The following UNC5D variants were observed in gnomAD, a reference collection of about 807,000 sequenced individuals.
UNC5D encodes netrin receptor UNC5D.
UNC5D carries 39 observed loss-of-function variants against 105.4 expected under a neutral mutation model. That is an observed-to-expected ratio of 0.37 (90% CI 0.29 to 0.48). The LOEUF is 0.48. UNC5D is among the 20% of genes least tolerant of loss of function. UNC5D has a pLI of 0.98. For missense variants in UNC5D, 991 were observed against 1,202.4 expected (o/e 0.82, Z 2.60); for synonymous variants, 452 against 450.4 (o/e 1.00, Z -0.04).
chr8:35,304,654 A>G (rs1274348198), intron 1 of UNC5D, among the ~76,000 whole-genome samples: 1 of 152,120 alleles, frequency 6.6e-6, no homozygotes, highest in African/African-American at 2.4e-5. Flanking sequence ...GTGAATATTA[A>G]AAGACTGTAA....
At chr8:35,504,253 C>A (rs1812164756) in intron 1 of UNC5D, among the ~76,000 whole-genome samples, 1 of 152,130 alleles carries the variant, frequency 6.6e-6, no homozygotes, top group Non-Finnish European at 1.5e-5. Flanking sequence ...GCCGTGTGAC[C>A]TTAGGCAAGC....
intron 3 of UNC5D, among the ~76,000 whole-genome samples, chr8:35,568,464 G>A (rs1817507532): frequency 6.6e-6 from 1 of 152,254 alleles, no homozygotes. Flanking sequence ...CAAGGTGGGA[G>A]GATCACTTGA....
intron 4 of UNC5D, among the ~76,000 whole-genome samples, chr8:35,657,072 GTGTGTGTGTATATA>G (rs1823788967): frequency 2.0e-5 from 2 of 99,066 alleles, no homozygotes; most frequent in Admixed American, 2.1e-4. Context: ...GTGTGTGTGT[GTGTGTGTGTATATA>G]TATATATATA....
intron 1 of UNC5D, among the ~76,000 whole-genome samples, chr8:35,386,770 C>G (rs572799221): frequency 2.8e-4 from 43 of 152,288 alleles, no homozygotes; most frequent in Middle Eastern, 3.4e-3. Flanking sequence ...TAGGAAATGT[C>G]TAAATCTGTG....
intron 1 of UNC5D, among the ~76,000 whole-genome samples, chr8:35,463,506 T>A (rs964840968): frequency 1.3e-5 from 2 of 152,076 alleles, no homozygotes; most frequent in Non-Finnish European, 2.9e-5. Context: ...CAATGATACC[T>A]GTTTCATCTA....
chr8:35,532,567 G>A (rs1814471857), intron 1 of UNC5D, among the ~76,000 whole-genome samples: 1 of 43,368 alleles, frequency 2.3e-5, no homozygotes, highest in Non-Finnish European at 4.3e-5. Context: ...GGCGTTCTCT[G>A]TATTTCCTGA....
chr8:35,529,172 A>G (rs1414090244), intron 1 of UNC5D, among the ~76,000 whole-genome samples: 36 of 136,362 alleles, frequency 2.6e-4, no homozygotes, highest in African/African-American at 1.0e-3. Flanking sequence ...TAGGGTTTTT[A>G]TGGTTTTAGG....
chr8:35,690,482 A>G (rs1345736811), intron 7 of UNC5D, among the ~76,000 whole-genome samples: 1 of 152,128 alleles, frequency 6.6e-6, no homozygotes, highest in Non-Finnish European at 1.5e-5. Flanking sequence ...TAAAAATTAA[A>G]AAAATATAAG....
chr8:35,471,436 T>G (rs1027035329), intron 1 of UNC5D, among the ~76,000 whole-genome samples: 4 of 152,208 alleles, frequency 2.6e-5, no homozygotes, highest in Non-Finnish European at 4.4e-5. Flanking sequence ...AGTGAGGTTT[T>G]TTTAATAATT....
At chr8:35,315,910 G>A (rs1213840704) in intron 1 of UNC5D, among the ~76,000 whole-genome samples, 5 of 152,112 alleles carry the variant, frequency 3.3e-5, no homozygotes, top group Admixed American at 6.6e-5. Context: ...GAACAACATC[G>A]TATGCTATTG....
chr8:35,667,985 T>C (rs538566208), intron 4 of UNC5D, among the ~76,000 whole-genome samples: 1 of 152,248 alleles, frequency 6.6e-6, no homozygotes, highest in Non-Finnish European at 1.5e-5. Flanking sequence ...TTACATTAAA[T>C]GATAGAAACA....
intron 1 of UNC5D, among the ~76,000 whole-genome samples, chr8:35,536,512 T>G (rs1814851781): frequency 6.6e-6 from 1 of 152,212 alleles, no homozygotes; most frequent in African/African-American, 2.4e-5. Flanking sequence ...CATAAAGCAT[T>G]AATTTCTATT....
chr8:35,729,570 G>A (rs553272932), intron 10 of UNC5D, among the ~76,000 whole-genome samples: 48 of 152,344 alleles, frequency 3.2e-4, no homozygotes, highest in Middle Eastern at 3.4e-3. Flanking sequence ...GTCAAACTAA[G>A]AGAAGACAGA....
intron 4 of UNC5D, among the ~76,000 whole-genome samples, chr8:35,668,978 A>G (rs965560952): frequency 4.6e-5 from 7 of 151,618 alleles, no homozygotes; most frequent in African/African-American, 1.7e-4. Flanking sequence ...CCCTTTCTTG[A>G]TCTTGAAGTG....
At chr8:35,604,046 T>G (rs1284211475) in intron 4 of UNC5D, among the ~76,000 whole-genome samples, 1 of 152,214 alleles carries the variant, frequency 6.6e-6, no homozygotes, top group Admixed American at 6.5e-5. Context: ...CATTTACATT[T>G]AAGCTTAGTA....
chr8:35,461,577 C>T (rs931988758), intron 1 of UNC5D, among the ~76,000 whole-genome samples: 1 of 152,088 alleles, frequency 6.6e-6, no homozygotes, highest in African/African-American at 2.4e-5. Flanking sequence ...TCTATCCCAC[C>T]CTTTGAATAT....
At chr8:35,429,608 A>G (rs987881191) in intron 1 of UNC5D, among the ~76,000 whole-genome samples, 2 of 152,194 alleles carry the variant, frequency 1.3e-5, no homozygotes, top group Non-Finnish European at 2.9e-5. Context: ...CTTTCTCTAC[A>G]AGGTATAAAA....
chr8:35,598,196 C>T (rs1371944312), intron 4 of UNC5D, among the ~76,000 whole-genome samples: 3 of 152,154 alleles, frequency 2.0e-5, no homozygotes, highest in Admixed American at 6.5e-5. Flanking sequence ...TGCTTTATCC[C>T]AGCAATTTAT....
At chr8:35,635,816 A>T (rs912400094) in intron 4 of UNC5D, among the ~76,000 whole-genome samples, 2 of 152,226 alleles carry the variant, frequency 1.3e-5, no homozygotes, top group Admixed American at 1.3e-4. Flanking sequence ...GAAAAGAGTT[A>T]CGTGTGTAGA....
Sources: allele counts gnomAD v4.1 joint callset (sites outside exome capture counted in the v4.1 genomes callset), GRCh38; gene constraint gnomAD v4.1.1; transcripts MANE v1.5; gene names NCBI Gene and HGNC (gene_info 2026-07-23, HGNC 2026-07-21).